Variants in SLC4A4 observed in about 807,000 individuals in gnomAD.
SLC4A4 encodes the protein electrogenic sodium bicarbonate cotransporter 1.
A neutral mutation model predicts 111.5 loss-of-function variants in SLC4A4; 27 were observed. The ratio of observed to expected loss-of-function variants is 0.24; its 90% CI spans 0.18 to 0.33. The LOEUF (loss-of-function observed/expected upper bound fraction) is 0.33, where lower values mean the gene tolerates loss of function less well. Among genes scored for constraint, SLC4A4 ranks in the 10% least tolerant of loss-of-function variants. The probability of loss-of-function intolerance (pLI) is 1.00; values close to 1 mark genes in which losing one functional copy is unlikely to be tolerated. For synonymous variants in SLC4A4, 443 were observed against 463.4 expected, an observed-to-expected ratio of 0.96 and a Z score of 0.57; for missense variants, 909 against 1,315.5, an observed-to-expected ratio of 0.69 and a Z score of 4.78.
At chr4:71,480,151 A>T (rs1180185825) in intron 14 of SLC4A4, among the ~76,000 whole-genome samples, 1 of 151,184 alleles carries the variant, frequency 6.6e-6, no homozygotes, top group Admixed American at 6.6e-5. Context: ...CCTCCTGAGT[A>T]GCTAGGACTA....
chr4:71,436,769 A>C (rs368580127), intron 7 of SLC4A4, among the ~76,000 whole-genome samples: 2 of 152,312 alleles, frequency 1.3e-5, no homozygotes, highest in South Asian at 4.1e-4. Flanking sequence ...ATTTGAAATA[A>C]ATTCTGACAA....
At chr4:71,505,153 C>T (rs1032124678) in intron 16 of SLC4A4, among the ~76,000 whole-genome samples, 1 of 152,094 alleles carries the variant, frequency 6.6e-6, no homozygotes, top group Non-Finnish European at 1.5e-5. Flanking sequence ...AGGTTGATTC[C>T]ATGCCTTTGA....
intron 16 of SLC4A4, among the ~76,000 whole-genome samples, chr4:71,504,874 T>C (rs966452361): frequency 2.6e-5 from 4 of 152,082 alleles, no homozygotes; most frequent in Admixed American, 2.0e-4. Flanking sequence ...ATTCTCTCCC[T>C]CTTCCCACCT....
At chr4:71,482,299 G>A (rs540160749) in intron 14 of SLC4A4, among the ~76,000 whole-genome samples, 1 of 151,620 alleles carries the variant, frequency 6.6e-6, no homozygotes, top group South Asian at 2.1e-4. Context: ...AAATAAGTAT[G>A]GAAAGTGTTA....
chr4:71,094,329 G>A (rs1200102727), intron 2 of SLC4A4, among the ~76,000 whole-genome samples: 1 of 152,152 alleles, frequency 6.6e-6, no homozygotes, highest in African/African-American at 2.4e-5. Flanking sequence ...AAAATGTATT[G>A]GAAAAGTACT....
intron 3 of SLC4A4, among the ~76,000 whole-genome samples, chr4:71,331,108 T>C (rs937754575): frequency 4.6e-5 from 7 of 152,014 alleles, no homozygotes; most frequent in South Asian, 2.1e-4. Flanking sequence ...TGTGGAGAAA[T>C]AGGAACACTT....
Position 71,447,712 on chromosome 4 carries a change from T to C in SLC4A4, c.1032T>C (p.Ile344=), listed in dbSNP as rs1319617856. ...CCTACCACGAGATTGGCAGAGCCATTGCCACCCTGATGTCTGATGAGGTAG... is the reference window on the plus strand; with the variant it reads ...CCTACCACGAGATTGGCAGAGCCATCGCCACCCTGATGTCTGATGAGGTAG... ...AKSYHEIGRA[I]ATLMSDEVFH... is the part of the protein sequence containing the mutation. Residue 344 remains isoleucine (I), a synonymous_variant, in exon 9 of 26, where the codon ATT becomes ATC. Transcript: ENST00000264485. 1.2e-6 allele frequency: 2 copies of C among 1,611,012 alleles called. No homozygotes were observed. Among genetic ancestry groups the C allele is most frequent in the Non-Finnish European group, 1.7e-6 (2 of 1,177,522 alleles).
intron 3 of SLC4A4, among the ~76,000 whole-genome samples, chr4:71,331,436 A>T (rs1230640318): frequency 6.6e-6 from 1 of 152,194 alleles, no homozygotes; most frequent in Non-Finnish European, 1.5e-5. Flanking sequence ...TTGTAGGGAC[A>T]TGGATGAAGC....
At chr4:71,298,871 C>A (rs1213572635) in intron 3 of SLC4A4, among the ~76,000 whole-genome samples, 1 of 152,162 alleles carries the variant, frequency 6.6e-6, no homozygotes, top group East Asian at 1.9e-4. Flanking sequence ...TTGGCTCTAT[C>A]TTCAGTTTAT....
chr4:71,515,605 C>A (rs144202392), intron 16 of SLC4A4, among the ~76,000 whole-genome samples: 1 of 152,018 alleles, frequency 6.6e-6, no homozygotes, highest in African/African-American at 2.4e-5. Context: ...TATTGCATTC[C>A]GTCTTTTCAG....
intron 23 of SLC4A4, among the ~76,000 whole-genome samples, chr4:71,562,476 G>A (rs984890850): frequency 1.3e-5 from 2 of 151,662 alleles, no homozygotes; most frequent in Non-Finnish European, 2.9e-5. Flanking sequence ...AGCTCTTCTT[G>A]TTACATTGAT....
chr4:71,078,535 CTAAG>C (rs929462429), intron 1 of SLC4A4, among the ~76,000 whole-genome samples: 9 of 151,912 alleles, frequency 5.9e-5, no homozygotes, highest in Admixed American at 3.3e-4. Context: ...CTTGCACAGA[CTAAG>C]TAAGAGTTAG....
rs143854138 is a variant in SLC4A4 at position 71,321,675 on chromosome 4, G to C, written c.254-17695G>C. 4.8e-3 allele frequency among the ~76,000 whole-genome samples: 725 copies of C among 151,948 alleles called. 4 individuals are homozygous for C. The highest frequency in any genetic ancestry group is 6.3e-3 in the Non-Finnish European group (430 of 67,906). The stretch of plus-strand genomic sequence containing the variant: ...GGCAGAAGGCATCACAAAGCAGAGG[G>C]GCAAAGAAGGCAAAAGAGAGCAAGA... On this transcript the variant is annotated intron_variant, in intron 3 of 25. Transcript: ENST00000264485.
chr4:71,121,125 C>T (rs967557870), intron 2 of SLC4A4, among the ~76,000 whole-genome samples: 8 of 152,248 alleles, frequency 5.3e-5, no homozygotes, highest in East Asian at 1.9e-4. Flanking sequence ...GCTGGCCCGC[C>T]GCACTCGAAT....
At chr4:71,261,086 C>T (rs377292052) in intron 3 of SLC4A4, among the ~76,000 whole-genome samples, 56 of 152,266 alleles carry the variant, frequency 3.7e-4, no homozygotes, top group Non-Finnish European at 5.0e-4. Flanking sequence ...CTTTAGCTGT[C>T]GGCTTGGCTC....
At chr4:71,106,951 G>GA (rs888017363) in intron 2 of SLC4A4, among the ~76,000 whole-genome samples, 1 of 143,068 alleles carries the variant, frequency 7.0e-6, no homozygotes, top group Admixed American at 6.9e-5. Context: ...TAAATAATAA[G>GA]AAAAAAAAGT....
At chr4:71,434,368 C>A (rs1466340388) in intron 7 of SLC4A4, 3 of 171,070 alleles carry the variant, frequency 1.8e-5, no homozygotes, top group African/African-American at 7.2e-5. Flanking sequence ...CAAAAAACAA[C>A]AAAAAAAACC....
At chr4:71,069,403 C>T (rs371396876) in intron 1 of SLC4A4, among the ~76,000 whole-genome samples, 77 of 152,098 alleles carry the variant, frequency 5.1e-4, no homozygotes, top group African/African-American at 1.8e-3. Flanking sequence ...CAAAACCAAA[C>T]AGACTTGAAA....
At chr4:71,223,992 C>T (rs1185297093) in intron 1 of SLC4A4, among the ~76,000 whole-genome samples, 1 of 152,142 alleles carries the variant, frequency 6.6e-6, no homozygotes, top group Non-Finnish European at 1.5e-5. Flanking sequence ...GTCCTCACTG[C>T]CCCATTTTTA....
Sources: gnomAD v4.1 joint callset for allele counts (sites outside exome capture counted in the v4.1 genomes callset) on GRCh38, gnomAD v4.1.1 for gene constraint, MANE v1.5 for transcripts, NCBI Gene and HGNC (gene_info 2026-07-23, HGNC 2026-07-21) for gene names.